The following SYNE1 variants were observed in gnomAD, a reference collection of about 807,000 sequenced individuals.
SYNE1 encodes the protein spectrin repeat containing nuclear envelope protein 1, also known as nesprin-1.
A neutral mutation model predicts 1,111.0 loss-of-function variants in SYNE1; 616 were observed. That is an observed-to-expected ratio of 0.55 (90% CI 0.52 to 0.59). The LOEUF (loss-of-function observed/expected upper bound fraction) is 0.59, where lower values mean the gene tolerates loss of function less well. Ranked by LOEUF, SYNE1 falls within the 20% of genes least tolerant of loss-of-function variation. SYNE1 has a pLI of 0.00. For synonymous variants in SYNE1, 3,855 were observed against 3,825.8 expected, an observed-to-expected ratio of 1.01 and a Z score of -0.28; for missense variants, 10,006 against 10,417.0, an observed-to-expected ratio of 0.96 and a Z score of 1.72.
chr6:152,321,426 C>A (rs758261468), intron 83 of SYNE1, 36 bp from the exon 84 acceptor site: 20 of 1,610,464 alleles, frequency 1.2e-5, no homozygotes, highest in Middle Eastern at 1.9e-4. Flanking sequence ...TTTCTGGGAA[C>A]CTTCTAAGGG....
At chr6:152,351,902 C>T in intron 70 of SYNE1, 125 bp downstream of exon 70, 1 of 843,830 alleles carries the variant, frequency 1.2e-6, no homozygotes, top group East Asian at 2.6e-5. Context: ...TGGTCAGCTG[C>T]AGAACGGACA....
intron 91 of SYNE1, chr6:152,302,324 G>A (rs2095220605): frequency 1.8e-6 from 1 of 562,628 alleles, no homozygotes; most frequent in South Asian, 2.0e-5. Flanking sequence ...GGATGAGGCC[G>A]AATGAGTGGT....
intron 118 of SYNE1, 85 bp from the exon 119 acceptor site, chr6:152,221,131 G>C: frequency 7.2e-7 from 1 of 1,382,530 alleles, no homozygotes; most frequent in East Asian, 2.3e-5. Context: ...CATGATCCTG[G>C]TTCATGTGAA....
At chr6:152,522,362 T>C (rs900004326) in intron 5 of SYNE1, among the ~76,000 whole-genome samples, 1 of 152,162 alleles carries the variant, frequency 6.6e-6, no homozygotes, top group Non-Finnish European at 1.5e-5. Context: ...TCCAGCTCCA[T>C]CCAAATTGCT....
chr6:152,280,901 C>T (rs753757886), intron 97 of SYNE1, among the ~76,000 whole-genome samples: 16 of 152,022 alleles, frequency 1.1e-4, no homozygotes, highest in Non-Finnish European at 2.2e-4. Flanking sequence ...TGATAATGAT[C>T]AATATTATGA....
intron 47 of SYNE1, among the ~76,000 whole-genome samples, 195 bp from the exon 48 acceptor site, chr6:152,400,018 G>A (rs2097788524): frequency 6.6e-6 from 1 of 151,946 alleles, no homozygotes; most frequent in African/African-American, 2.4e-5. Flanking sequence ...AGTTCTCCTT[G>A]GGAACAAACA....
intron 11 of SYNE1, among the ~76,000 whole-genome samples, chr6:152,491,175 G>A (rs2098968233): frequency 6.6e-6 from 1 of 151,142 alleles, no homozygotes; most frequent in Non-Finnish European, 1.5e-5. Context: ...GATCACTGTG[G>A]GGATGCCTGC....
In SYNE1 at chr6:152,626,869, C is replaced by T. The variant is rs180898047; in HGVS notation, c.67+1396G>A. ...AGCATGTTCTGGGTCATGAATACCC[C>T]GATTTAAGAGCTTGGTATGTATTTG... On this transcript the variant is annotated intron_variant, in intron 3 of 145. Coordinates refer to ENST00000367255, the MANE Select transcript of SYNE1 (RefSeq NM_182961.4). 1.6e-3 allele frequency among the ~76,000 whole-genome samples: 247 copies of T among 152,184 alleles called. 1 individual carries two copies. Among genetic ancestry groups the T allele is most frequent in the African/African-American group, 5.7e-3 (238 of 41,510 alleles).
chr6:152,337,097 A>T, intron 75 of SYNE1, 80 bp from the exon 76 acceptor site: 3 of 1,458,992 alleles, frequency 2.1e-6, no homozygotes, highest in Non-Finnish European at 2.8e-6. Context: ...GGAACTTTCC[A>T]GCTGGCCTGT....
intron 145 of SYNE1, chr6:152,125,879 C>T (rs2053235500): frequency 6.6e-6 from 1 of 152,178 alleles, no homozygotes; most frequent in Non-Finnish European, 1.5e-5. Context: ...AAATGGCAAA[C>T]CATTGAATCA....
At chr6:152,347,363 T>G in intron 72 of SYNE1, 128 bp from the exon 73 acceptor site, 2 of 1,118,870 alleles carry the variant, frequency 1.8e-6, no homozygotes, top group Non-Finnish European at 2.6e-6. Context: ...TTACCTTAGT[T>G]ATATATTAAA....
intron 98 of SYNE1, among the ~76,000 whole-genome samples, chr6:152,275,217 T>C (rs1227974147): frequency 6.6e-6 from 1 of 152,142 alleles, no homozygotes; most frequent in Admixed American, 6.5e-5. Flanking sequence ...AATGTATTAG[T>C]TTAAAAGAAG....
intron 102 of SYNE1, among the ~76,000 whole-genome samples, chr6:152,256,094 G>GA (rs1293736196): frequency 1.3e-5 from 2 of 151,298 alleles, no homozygotes; most frequent in South Asian, 4.2e-4. Context: ...GCAAGACTCT[G>GA]AAAAAAATAA....
rs1190108606 is a variant in SYNE1, at chr6:152,569,422, G to A, written c.68-29401C>T. On this transcript the variant is annotated intron_variant, in intron 3 of 145. Coordinates refer to ENST00000367255, the MANE Select transcript of SYNE1 (RefSeq NM_182961.4). ...TCATAAGGTTGTTGGTAGGATAACAGAAGTTTATGTTTGAAAAGCATATGT... is the reference window on the plus strand; with the variant it reads ...TCATAAGGTTGTTGGTAGGATAACAAAAGTTTATGTTTGAAAAGCATATGT... Among the ~76,000 whole-genome samples, 11 of 152,284 alleles carry A rather than the reference G, an allele frequency of 7.2e-5. No individual in the cohort carries two copies. The East Asian group carries it at 2.1e-3, about 29-fold the overall frequency.
At position 152,433,831 on chromosome 6, in the gene SYNE1, C is replaced by T. The variant is rs774310014; in HGVS notation, c.4425G>A (p.Ser1475=). Residue 1475 remains serine, a synonymous_variant, in exon 34 of 146, where the codon TCG becomes TCA. Coordinates refer to ENST00000367255, the MANE Select transcript of SYNE1 (RefSeq NM_182961.4). ...KEKELNALET[S]SSAMDMQISQ... ...TGATTTGCATGTCCATGGCAGATGACGAAGTTTCCAAGGCATTGAGTTCTT... is the reference window on the plus strand; with the variant it reads ...TGATTTGCATGTCCATGGCAGATGATGAAGTTTCCAAGGCATTGAGTTCTT... 4.3e-6 allele frequency: 7 copies of T among 1,613,730 alleles called. No individual in the cohort carries two copies. The highest frequency in any genetic ancestry group is 1.6e-4 in the Middle Eastern group (1 of 6,082).
chr6:152,163,913 A>G (rs2063060234), intron 131 of SYNE1, among the ~76,000 whole-genome samples: 1 of 152,180 alleles, frequency 6.6e-6, no homozygotes, highest in South Asian at 2.1e-4. Context: ...CCATCTTAGA[A>G]GGCTTCTTGG....
At chr6:152,262,224 G>A in intron 100 of SYNE1, 36 bp from the exon 101 acceptor site, 1 of 1,596,514 alleles carries the variant, frequency 6.3e-7, no homozygotes, top group Non-Finnish European at 8.6e-7. Flanking sequence ...TTTACAATGT[G>A]CACAAAAAAG....
chr6:152,596,266 G>T lies in SYNE1; in HGVS notation c.67+31999C>A, dbSNP rs1002263394. 7.5e-4 allele frequency among the ~76,000 whole-genome samples: 89 copies of T among 118,722 alleles called. 1 individual carries two copies. Among genetic ancestry groups the T allele is most frequent in the African/African-American group, 3.0e-3 (74 of 25,060 alleles). The allele number at this position is 118,722 out of a possible 152,430, so 77.9% of individuals were successfully genotyped here. A position where few individuals can be genotyped will look rare whatever the true frequency, so the allele number is the denominator to read the frequency against. ...AAGTTATGATTACAGTTTTTTGTTT[G>T]TTTGTTTTTTTTTTTTTTTGAGATG... is the stretch of plus-strand genomic sequence containing the variant. On this transcript the variant is annotated intron_variant, in intron 3 of 145. Transcript: ENST00000367255.
chr6:152,272,536 T>C (rs1199698417), intron 98 of SYNE1, among the ~76,000 whole-genome samples: 1 of 152,228 alleles, frequency 6.6e-6, no homozygotes, highest in East Asian at 1.9e-4. Context: ...TAATGAATGA[T>C]AATGTGTGAA....
Sources: allele counts gnomAD v4.1 joint callset (sites outside exome capture counted in the v4.1 genomes callset), GRCh38; gene constraint gnomAD v4.1.1; transcripts MANE v1.5; gene names NCBI Gene and HGNC (gene_info 2026-07-23, HGNC 2026-07-21).